GOLGA4: variants seen among roughly 807,000 people sequenced by gnomAD.
The protein encoded by GOLGA4 is golgin subfamily A member 4.
In GOLGA4, 169 loss-of-function variants were observed where a neutral mutation model predicts 265.9. That is an observed-to-expected ratio of 0.64 (90% CI 0.56 to 0.72). The LOEUF is 0.72. Ranked by LOEUF, GOLGA4 falls within the 30% of genes least tolerant of loss-of-function variation. The probability of loss-of-function intolerance (pLI) is 0.00; values close to 1 mark genes in which losing one functional copy is unlikely to be tolerated. For synonymous variants in GOLGA4, 923 were observed against 855.8 expected, an observed-to-expected ratio of 1.08 and a Z score of -1.37; for missense variants, 2,482 against 2,483.4, an observed-to-expected ratio of 1.00 and a Z score of 0.01.
chr3:37,319,300 C>G (rs1176980854), intron 12 of GOLGA4, 106 bp downstream of exon 12: 1 of 852,150 alleles, frequency 1.2e-6, no homozygotes, highest in African/African-American at 1.7e-5. Flanking sequence ...TACTGGCAGT[C>G]TTGACGTTTG....
intron 11 of GOLGA4, 129 bp downstream of exon 11, chr3:37,315,727 G>T (rs376079353): frequency 1.2e-6 from 1 of 813,148 alleles, no homozygotes; most frequent in African/African-American, 1.7e-5. Flanking sequence ...TGATATTCAG[G>T]TTGTAAAATT....
intron 2 of GOLGA4, among the ~76,000 whole-genome samples, chr3:37,278,553 A>T (rs1578467654): frequency 6.6e-6 from 1 of 152,294 alleles, no homozygotes; most frequent in Middle Eastern, 3.4e-3. Flanking sequence ...GACTAAATAT[A>T]GTTATGGATA....
At chr3:37,300,177 G>A (rs1399522877) in intron 9 of GOLGA4, among the ~76,000 whole-genome samples, 1 of 152,190 alleles carries the variant, frequency 6.6e-6, no homozygotes, top group Non-Finnish European at 1.5e-5. Flanking sequence ...CTTACCTTTG[G>A]TAGTTTGGAG....
intron 6 of GOLGA4, 49 bp from the exon 7 acceptor site, chr3:37,296,038 C>T (rs1681502344): frequency 6.5e-7 from 1 of 1,542,844 alleles, no homozygotes; most frequent in South Asian, 1.1e-5. Flanking sequence ...AATTGTACTA[C>T]TCCCATAGTT....
rs539952455 is a variant in GOLGA4, at chr3:37,365,309, C to T, written c.*34-771C>T. Among the ~76,000 whole-genome samples the T allele has an allele frequency of 3.9e-5, 6 of 152,232 alleles. No homozygotes were observed. In the East Asian group the frequency reaches 1.2e-3, roughly 29 times the overall value. On this transcript the variant is annotated intron_variant, in intron 23 of 23. Coordinates refer to ENST00000361924, the MANE Select transcript of GOLGA4 (RefSeq NM_002078.5). ...TTTGAGGCAGTCTCTCACTCTGTTG[C>T]CCAGGCTGGAGAGCGATGGCATGAT...
chr3:37,261,694 T>C (rs2096770291), intron 2 of GOLGA4, among the ~76,000 whole-genome samples: 1 of 152,124 alleles, frequency 6.6e-6, no homozygotes, highest in Non-Finnish European at 1.5e-5. Flanking sequence ...TGAGAGCTAA[T>C]GTGGGGCTCC....
rs924121808 is a variant in GOLGA4 at position 37,340,187 on chromosome 3, A to C, written c.6460A>C (p.Thr2154Pro). The C allele has an allele frequency of 1.5e-6, 2 of 1,369,732 alleles. No individual in the cohort carries two copies. The highest frequency in any genetic ancestry group is 2.9e-5 in the African/African-American group (2 of 68,550). The allele number at this position is 1,369,732 out of a possible 1,614,324, so 84.8% of individuals were successfully genotyped here. A position where few individuals can be genotyped will look rare whatever the true frequency, so the allele number is the denominator to read the frequency against. ...GAATGTATATGCAACAACTGTGGGG[A>C]CACCTTACAAAGGTAAGGATGATCT... ...EKNVYATTVG[T>P]PYKGGNLYHT... Residue 2154 changes from threonine to proline, a missense_variant, in exon 20 of 24, where the codon ACA (threonine) becomes CCA (proline). By Grantham distance (38) the Thr-to-Pro change is conservative. Transcript: ENST00000361924.
rs115192025 is a variant in GOLGA4 at position 37,295,189 on chromosome 3, T to C, written c.681+112T>C. On this transcript the variant is annotated intron_variant, in intron 6 of 23. Coordinates refer to ENST00000361924, the MANE Select transcript of GOLGA4 (RefSeq NM_002078.5). ...GTTTTTTCTTTTTTAAGACCTATTT[T>C]TAAAACTTTTTGCTTTCCTCAATTT... The C allele has an allele frequency of 6.1e-4, 338 of 557,428 alleles. 1 individual carries two copies. The highest frequency in any genetic ancestry group is 5.6e-3 in the African/African-American group (286 of 50,672). The allele number at this position is 557,428 out of a possible 1,614,324, so 34.5% of individuals were successfully genotyped here.
At chr3:37,347,899 T>C (rs991338880) in intron 21 of GOLGA4, among the ~76,000 whole-genome samples, 2 of 152,200 alleles carry the variant, frequency 1.3e-5, no homozygotes, top group Admixed American at 1.3e-4. Context: ...AAGAGCCTTA[T>C]TGGACATTTG....
At chr3:37,265,814 AT>A (rs2096782082) in intron 2 of GOLGA4, among the ~76,000 whole-genome samples, 1 of 152,020 alleles carries the variant, frequency 6.6e-6, no homozygotes, top group East Asian at 1.9e-4. Flanking sequence ...AGGCAGGTGG[AT>A]CGCTTGAGCT....
chr3:37,254,831 A>G (rs1007406330), intron 2 of GOLGA4, among the ~76,000 whole-genome samples: 3 of 148,202 alleles, frequency 2.0e-5, no homozygotes, highest in African/African-American at 7.4e-5. Flanking sequence ...ATTAGCTTAT[A>G]TATTATATAT....
intron 2 of GOLGA4, chr3:37,276,317 A>G (rs1445288045): frequency 6.2e-7 from 1 of 1,604,482 alleles, no homozygotes; most frequent in African/African-American, 1.3e-5. Flanking sequence ...TTTAAGGAAA[A>G]ATGTCCTCTG....
chr3:37,324,119 G>A lies in GOLGA4; in HGVS notation c.2233G>A (p.Val745Ile). 2 of 1,614,052 alleles carry A rather than the reference G, an allele frequency of 1.2e-6. No individual in the cohort carries two copies. The highest frequency in any genetic ancestry group is 1.7e-6 in the Non-Finnish European group (2 of 1,179,966). ...TGACAGTATCATTAAAGAACACGAGGTATCTATCCAGAGGACTGAGAAGGC... is the reference window on the plus strand; with the variant it reads ...TGACAGTATCATTAAAGAACACGAGATATCTATCCAGAGGACTGAGAAGGC... ...QVDSIIKEHE[V>I]SIQRTEKALK... Residue 745 changes from valine to isoleucine, a missense_variant, in exon 14 of 24, where the codon GTA becomes ATA. Transcript: ENST00000361924.
intron 19 of GOLGA4, among the ~76,000 whole-genome samples, chr3:37,339,729 G>A (rs1249619902): frequency 2.0e-5 from 3 of 152,068 alleles, no homozygotes; most frequent in Non-Finnish European, 4.4e-5. Context: ...TTTTTAGTTG[G>A]ATTGTCTTGT....
At chr3:37,296,429 G>A (rs2096878548) in intron 7 of GOLGA4, among the ~76,000 whole-genome samples, 1 of 152,164 alleles carries the variant, frequency 6.6e-6, no homozygotes, top group Admixed American at 6.5e-5. Flanking sequence ...CCTAGAGGAG[G>A]ATTTTGAGAG....
chr3:37,259,366 T>C (rs1227475712), intron 2 of GOLGA4, among the ~76,000 whole-genome samples: 1 of 152,254 alleles, frequency 6.6e-6, no homozygotes, highest in African/African-American at 2.4e-5. Context: ...ATGTAGTTTT[T>C]GTAACAGCTC....
chr3:37,363,593 C>T (rs543873305), intron 23 of GOLGA4, among the ~76,000 whole-genome samples: 3 of 152,240 alleles, frequency 2.0e-5, no homozygotes, highest in East Asian at 1.9e-4. Flanking sequence ...AATTACTTGC[C>T]GACATGCTTG....
At position 37,328,493 on chromosome 3, in the gene GOLGA4, C is replaced by A; in HGVS notation, c.6017C>A (p.Ala2006Glu). 1 of 1,612,250 alleles carries A rather than the reference C, an allele frequency of 6.2e-7. No homozygotes were observed. The part of the protein sequence containing the change: ...QLMREFNTQL[A>E]QKEQELEMTI... ...ATGAGGGAGTTTAATACACAGCTGGCACAAAAGGAACAAGAGCTGGAAATG... is the reference window on the plus strand; with the variant it reads ...ATGAGGGAGTTTAATACACAGCTGGAACAAAAGGAACAAGAGCTGGAAATG... The change falls in exon 15 of 24, where the codon GCA becomes GAA. Residue 2006 changes from alanine (A) to glutamate (E), a missense_variant. Around this residue, in one of 3 missense-constraint regions of GOLGA4, gnomAD observed 942 missense variants for 983.1 expected, o/e 0.96. Coordinates refer to ENST00000361924, the MANE Select transcript of GOLGA4 (RefSeq NM_002078.5).
chr3:37,311,871 A>G lies in GOLGA4; in HGVS notation c.1235-3549A>G, dbSNP rs573663457. 2.0e-5 allele frequency among the ~76,000 whole-genome samples: 3 copies of G among 152,364 alleles called. No homozygotes were observed. In the East Asian group the frequency reaches 5.8e-4, roughly 29 times the overall value. On this transcript the variant is annotated intron_variant, in intron 10 of 23. Coordinates refer to ENST00000361924, the MANE Select transcript of GOLGA4 (RefSeq NM_002078.5). The stretch of plus-strand genomic sequence containing the variant: ...GACTAGATTAGAAAACTTAATTAGC[A>G]GAAAATTATATCTAAACAGGAACTT...
Sources: gnomAD v4.1 joint callset for allele counts (sites outside exome capture counted in the v4.1 genomes callset) on GRCh38, gnomAD v4.1.1 for gene constraint, gnomAD v4.1.1 regional missense constraint, MANE v1.5 for transcripts, NCBI Gene and HGNC (gene_info 2026-07-23, HGNC 2026-07-21) for gene names.